Variants in PIEZO2 observed in about 807,000 individuals in gnomAD.
PIEZO2 encodes piezo-type mechanosensitive ion channel component 2.
PIEZO2 carries 172 observed loss-of-function variants against 337.3 expected under a neutral mutation model. That is an observed-to-expected ratio of 0.51 (90% CI 0.45 to 0.58). The LOEUF (loss-of-function observed/expected upper bound fraction) is 0.58, where lower values mean the gene tolerates loss of function less well. Among genes scored for constraint, PIEZO2 ranks in the 20% least tolerant of loss-of-function variants. PIEZO2 has a pLI of 0.00. For synonymous variants in PIEZO2, 1,251 were observed against 1,228.5 expected (o/e 1.02, Z -0.38); for missense variants, 3,028 against 3,391.3 (o/e 0.89, Z 2.66).
At chr18:11,025,120 T>C (rs975187488) in intron 2 of PIEZO2, among the ~76,000 whole-genome samples, 22 of 152,202 alleles carry the variant, frequency 1.4e-4, no homozygotes, top group African/African-American at 5.3e-4. Context: ...CCAAACTGCT[T>C]ACATTCATCT....
At chr18:10,995,687 T>C (rs926122705) in intron 2 of PIEZO2, among the ~76,000 whole-genome samples, 2 of 152,314 alleles carry the variant, frequency 1.3e-5, no homozygotes, top group African/African-American at 4.8e-5. Flanking sequence ...AACTGTTAAC[T>C]GTCAGTCAAA....
At chr18:10,688,297 G>A (rs949524643) in intron 49 of PIEZO2, among the ~76,000 whole-genome samples, 3 of 152,064 alleles carry the variant, frequency 2.0e-5, no homozygotes, top group Non-Finnish European at 2.9e-5. Context: ...GAGAATGATG[G>A]CTTCCACCTT....
chr18:10,883,430 T>C (rs550184116), intron 4 of PIEZO2, among the ~76,000 whole-genome samples: 6 of 152,130 alleles, frequency 3.9e-5, no homozygotes, highest in Non-Finnish European at 7.4e-5. Flanking sequence ...CCAGCACCTC[T>C]TGTTGCTATT....
intron 1 of PIEZO2, among the ~76,000 whole-genome samples, chr18:11,107,068 A>G (rs1259225150): frequency 6.6e-6 from 1 of 152,166 alleles, no homozygotes; most frequent in Non-Finnish European, 1.5e-5. Context: ...TCTGATCTCA[A>G]TGACCGCAAC....
rs2041359642 is a variant in PIEZO2, at chr18:10,846,274, G to A, written c.917+9079C>T. On this transcript the variant is annotated intron_variant, in intron 7 of 55. Transcript: ENST00000674853. The surrounding 1 kb of genome is among the most constrained non-coding windows in gnomAD (Gnocchi z 4.1). The stretch of plus-strand genomic sequence containing the variant: ...GGCAGCAGGCAAAGAGAGAGCTCAT[G>A]CAGGCAAACTCCCGTTTTTTAAAAC... Among the ~76,000 whole-genome samples the A allele has an allele frequency of 6.6e-6, 1 of 152,182 alleles. No homozygotes were observed. The highest frequency in any genetic ancestry group is 6.5e-5 in the Admixed American group (1 of 15,272).
At chr18:10,806,682 G>A (rs2040012889) in intron 8 of PIEZO2, among the ~76,000 whole-genome samples, 1 of 152,132 alleles carries the variant, frequency 6.6e-6, no homozygotes, top group Non-Finnish European at 1.5e-5. Flanking sequence ...GTCAAATGTG[G>A]ATTAGAATCT....
intron 7 of PIEZO2, among the ~76,000 whole-genome samples, chr18:10,848,737 A>G (rs895452832): frequency 2.0e-5 from 3 of 152,352 alleles, no homozygotes; most frequent in South Asian, 4.1e-4. Context: ...GGATTAAAAG[A>G]GACAACTTAA....
Position 10,893,858 on chromosome 18 carries a change from C to T in PIEZO2, c.329+17328G>A, listed in dbSNP as rs188957535. ...ATATTCTTTGGGCATCTACTAAATG[C>T]TAGGCACTGTGATGACCTTGCAGCT... On this transcript the variant is annotated intron_variant, in intron 4 of 55. Transcript: ENST00000674853. Among the ~76,000 whole-genome samples, 35 of 152,258 alleles carry T rather than the reference C, an allele frequency of 2.3e-4. No homozygotes were observed. In the East Asian group the frequency reaches 6.6e-3, roughly 29 times the overall value.
rs776611442 is a variant in PIEZO2 at position 11,131,285 on chromosome 18, G to A, written c.64+17240C>T. On this transcript the variant is annotated intron_variant, in intron 1 of 55. Coordinates refer to ENST00000674853, the MANE Select transcript of PIEZO2 (RefSeq NM_001378183.1). This position sits in a 1 kb window ranked among gnomAD's most constrained non-coding sequence, Gnocchi z 5.3. ...AAATGGAAGTGATATATACATGATC[G>A]GGCTCGAGCAGGTCCTGAGGGCACA... Among the ~76,000 whole-genome samples, 23 of 152,204 alleles carry A rather than the reference G, an allele frequency of 1.5e-4. No individual in the cohort carries two copies. Among genetic ancestry groups the A allele is most frequent in the East Asian group, 5.8e-4 (3 of 5,178 alleles).
At position 10,789,136 on chromosome 18, in the gene PIEZO2, G is replaced by A. The variant is rs58332766; in HGVS notation, c.2112C>T (p.Ile704=). Residue 704 remains isoleucine (I), a synonymous_variant, in exon 15 of 56, where the codon ATC becomes ATT. Transcript: ENST00000674853. The part of the protein sequence containing the change: ...MFFFVSFEGK[I]VMYKIIYMVL... ...CCATGTAGATGATTTTGTACATTACGATTTTACCCTCGAAGCTGACGAAGA... is the reference window on the plus strand; with the variant it reads ...CCATGTAGATGATTTTGTACATTACAATTTTACCCTCGAAGCTGACGAAGA... The A allele has an allele frequency of 1.8e-3, 2,755 of 1,537,240 alleles. 43 individuals are homozygous for A. The African/African-American group carries it at 0.034, about 19-fold the overall frequency.
intron 10 of PIEZO2, among the ~76,000 whole-genome samples, 162 bp from the exon 11 acceptor site, chr18:10,800,637 T>C (rs1208704922): frequency 6.6e-6 from 1 of 152,250 alleles, no homozygotes; most frequent in Non-Finnish European, 1.5e-5. Flanking sequence ...AGGGGAATCT[T>C]GTACATTCCC....
chr18:10,707,918 G>A lies in PIEZO2; in HGVS notation c.5588+357C>T, dbSNP rs1009502557. 6.6e-6 allele frequency among the ~76,000 whole-genome samples: 1 copy of A among 152,124 alleles called. No homozygotes were observed. The highest frequency in any genetic ancestry group is 6.5e-5 in the Admixed American group (1 of 15,278). On this transcript the variant is annotated intron_variant, in intron 40 of 55. Transcript: ENST00000674853. This position sits in a 1 kb window ranked among gnomAD's most constrained non-coding sequence, Gnocchi z 4.2. ...AAGAAGTTTTCTACCTTTGCAAACA[G>A]AGTTCCCCCTTTGAGTAGTGCCCTC...
intron 43 of PIEZO2, among the ~76,000 whole-genome samples, chr18:10,699,381 AG>A: frequency 6.6e-6 from 1 of 152,286 alleles, no homozygotes. Flanking sequence ...TCATGGCGGC[AG>A]GTCTTTCCCA....
At chr18:10,858,106 A>G (rs61613749) in intron 5 of PIEZO2, among the ~76,000 whole-genome samples, 52,770 of 149,748 alleles carry the variant, frequency 0.35, 10,704 homozygotes, top group African/African-American at 0.58. Context: ...CAGATCACGA[A>G]GTCAAGAGAT....
chr18:10,921,102 G>T (rs2031365075), intron 3 of PIEZO2, among the ~76,000 whole-genome samples: 4 of 152,126 alleles, frequency 2.6e-5, no homozygotes, highest in Non-Finnish European at 5.9e-5. Context: ...TTTTAAGAAA[G>T]AGGGAGTCAA....
chr18:10,897,950 GT>G (rs2042945649), intron 4 of PIEZO2, among the ~76,000 whole-genome samples: 1 of 152,204 alleles, frequency 6.6e-6, no homozygotes, highest in Non-Finnish European at 1.5e-5. Context: ...TGATATTGAG[GT>G]AGGCTGGTGC....
At chr18:10,885,896 C>T (rs1292410152) in intron 4 of PIEZO2, among the ~76,000 whole-genome samples, 5 of 151,892 alleles carry the variant, frequency 3.3e-5, no homozygotes, top group Admixed American at 6.6e-5. Flanking sequence ...GGGCTGTGGG[C>T]GTGGATTAAA....
At chr18:10,924,348 G>T (rs1471092359) in intron 3 of PIEZO2, among the ~76,000 whole-genome samples, 9 of 152,188 alleles carry the variant, frequency 5.9e-5, no homozygotes, top group Admixed American at 5.9e-4. Context: ...TAGGGGAAAA[G>T]CATAGAATGT....
chr18:10,841,477 C>T (rs1176381723), intron 7 of PIEZO2, among the ~76,000 whole-genome samples: 1 of 152,144 alleles, frequency 6.6e-6, no homozygotes, highest in Non-Finnish European at 1.5e-5. Flanking sequence ...AAGAGATCCT[C>T]AATAAGATTA....
Sources: gnomAD v4.1 joint callset for allele counts (sites outside exome capture counted in the v4.1 genomes callset) on GRCh38, gnomAD v4.1.1 for gene constraint, Gnocchi (gnomAD v3.1) non-coding constraint, MANE v1.5 for transcripts, NCBI Gene and HGNC (gene_info 2026-07-23, HGNC 2026-07-21) for gene names.